DCC: variants seen among roughly 807,000 people sequenced by gnomAD.
The protein encoded by DCC is DCC netrin 1 receptor, also known as netrin receptor DCC.
DCC carries 58 observed loss-of-function variants against 172.5 expected under a neutral mutation model. The ratio of observed to expected loss-of-function variants is 0.34; its 90% CI spans 0.27 to 0.42. The LOEUF is 0.42. Among genes scored for constraint, DCC ranks in the 10% least tolerant of loss-of-function variants. The pLI is 1.00. For missense variants in DCC, 1,740 were observed against 1,791.0 expected, an observed-to-expected ratio of 0.97 and a Z score of 0.51; for synonymous variants, 709 against 644.5, an observed-to-expected ratio of 1.10 and a Z score of -1.52.
At chr18:52,538,767 GT>G (rs936930322) in intron 1 of DCC, among the ~76,000 whole-genome samples, 13 of 151,266 alleles carry the variant, frequency 8.6e-5, no homozygotes, top group East Asian at 7.8e-4. Flanking sequence ...TTACAAACAT[GT>G]TTTTTTTTCT....
intron 3 of DCC, among the ~76,000 whole-genome samples, chr18:52,907,630 G>T (rs1044657074): frequency 6.6e-6 from 1 of 152,034 alleles, no homozygotes; most frequent in East Asian, 1.9e-4. Flanking sequence ...TGCCCAGGCT[G>T]GTCTCAAACT....
chr18:53,515,274 A>C, intron 27 of DCC, among the ~76,000 whole-genome samples: 1 of 151,800 alleles, frequency 6.6e-6, no homozygotes, highest in South Asian at 2.1e-4. Context: ...ACTCTCAATA[A>C]ATTAGGTATT....
At chr18:52,498,331 T>C in intron 1 of DCC, among the ~76,000 whole-genome samples, 1 of 152,066 alleles carries the variant, frequency 6.6e-6, no homozygotes, top group Non-Finnish European at 1.5e-5. Flanking sequence ...GTGACTAAAA[T>C]GATGGATACT....
intron 2 of DCC, among the ~76,000 whole-genome samples, chr18:52,802,223 T>C (rs1210131887): frequency 6.6e-6 from 1 of 152,106 alleles, no homozygotes; most frequent in Non-Finnish European, 1.5e-5. Context: ...GATGAGGCAG[T>C]AGGTTGGAGA....
At chr18:53,098,809 C>G (rs1257637491) in intron 7 of DCC, among the ~76,000 whole-genome samples, 4 of 152,114 alleles carry the variant, frequency 2.6e-5, no homozygotes, top group African/African-American at 9.7e-5. Flanking sequence ...TAGTTTGAGA[C>G]CAGCCTCAGT....
At chr18:53,339,984 C>A in intron 15 of DCC, 77 bp downstream of exon 15, 1 of 1,354,864 alleles carries the variant, frequency 7.4e-7, no homozygotes, top group Non-Finnish European at 1.0e-6. Flanking sequence ...TCTTGGAAAA[C>A]TGTTCCCTGG....
At chr18:52,563,471 T>C (rs867730750) in intron 1 of DCC, among the ~76,000 whole-genome samples, 1 of 152,138 alleles carries the variant, frequency 6.6e-6, no homozygotes, top group Non-Finnish European at 1.5e-5. Context: ...AACTCTGCGG[T>C]GTCTTACATC....
rs543221527 is a variant in DCC at position 52,741,789 on chromosome 18, T to A, written c.92-10265T>A. On this transcript the variant is annotated intron_variant, in intron 1 of 28. Transcript: ENST00000442544. ...CTGGGGTGGGCTCGTCACACCTGCC[T>A]GGGTGCCTTAGCATCCTCTGCCTGC... 2.0e-5 allele frequency among the ~76,000 whole-genome samples: 3 copies of A among 152,262 alleles called. No individual in the cohort carries two copies. In the South Asian group the frequency reaches 6.2e-4, roughly 32 times the overall value.
intron 21 of DCC, among the ~76,000 whole-genome samples, chr18:53,422,685 A>G (rs1277671172): frequency 6.6e-6 from 1 of 152,230 alleles, no homozygotes; most frequent in African/African-American, 2.4e-5. Flanking sequence ...TCAGGGAAAT[A>G]GGGTTTTTGA....
chr18:53,034,187 G>A (rs541523202), intron 5 of DCC, among the ~76,000 whole-genome samples: 24 of 151,914 alleles, frequency 1.6e-4, no homozygotes, highest in South Asian at 6.2e-4. Flanking sequence ...ATTCTGCCCC[G>A]AGCTTTAGAG....
intron 16 of DCC, 77 bp downstream of exon 16, chr18:53,386,215 C>T (rs1292135887): frequency 1.7e-5 from 16 of 926,486 alleles, no homozygotes; most frequent in Non-Finnish European, 2.1e-5. Context: ...AAATAAAATA[C>T]AAAGAAACAA....
chr18:52,782,262 A>G lies in DCC; in HGVS notation c.412+29888A>G, dbSNP rs116651799. On this transcript the variant is annotated intron_variant, in intron 2 of 28. Coordinates refer to ENST00000442544, the MANE Select transcript of DCC (RefSeq NM_005215.4). ...GTGCATTTTAAAAGCTTAGAAAGTAATGATATGCCCTCTAGACTGCCAGGC... is the reference window on the plus strand; with the variant it reads ...GTGCATTTTAAAAGCTTAGAAAGTAGTGATATGCCCTCTAGACTGCCAGGC... Among the ~76,000 whole-genome samples the G allele has an allele frequency of 2.1e-4, 32 of 152,268 alleles. 1 individual carries two copies. The highest frequency in any genetic ancestry group is 7.7e-4 in the African/African-American group (32 of 41,570).
At chr18:52,350,574 C>CTGAT in intron 1 of DCC, among the ~76,000 whole-genome samples, 1 of 152,178 alleles carries the variant, frequency 6.6e-6, no homozygotes, top group East Asian at 1.9e-4. Flanking sequence ...ATAAGACAGG[C>CTGAT]TGATGGATGC....
chr18:52,673,834 G>A (rs2035599906), intron 1 of DCC, among the ~76,000 whole-genome samples: 1 of 152,162 alleles, frequency 6.6e-6, no homozygotes, highest in South Asian at 2.1e-4. Context: ...TTCTACCTTA[G>A]GGTTACTCAT....
At chr18:52,684,511 G>A (rs1004207742) in intron 1 of DCC, among the ~76,000 whole-genome samples, 4 of 151,804 alleles carry the variant, frequency 2.6e-5, no homozygotes, top group African/African-American at 7.3e-5. Flanking sequence ...TGTGGTGATC[G>A]TACACTCTCT....
chr18:52,413,892 C>A (rs1986925876), intron 1 of DCC, among the ~76,000 whole-genome samples: 1 of 152,044 alleles, frequency 6.6e-6, no homozygotes, highest in Non-Finnish European at 1.5e-5. Flanking sequence ...TATGCATATG[C>A]ATATATACTG....
intron 4 of DCC, 49 bp downstream of exon 4, chr18:52,923,906 A>G (rs767976403): frequency 7.5e-7 from 1 of 1,332,378 alleles, no homozygotes; most frequent in Non-Finnish European, 1.1e-6. Context: ...TGTATGGTAT[A>G]TGCTGCTATT....
chr18:52,601,118 C>A (rs1475631573), intron 1 of DCC, among the ~76,000 whole-genome samples: 1 of 152,026 alleles, frequency 6.6e-6, no homozygotes, highest in African/African-American at 2.4e-5. Flanking sequence ...ATCTAAGTTG[C>A]TGTTTTCTAA....
At chr18:53,134,652 A>G (rs2043712414) in intron 7 of DCC, among the ~76,000 whole-genome samples, 1 of 152,174 alleles carries the variant, frequency 6.6e-6, no homozygotes, top group Admixed American at 6.5e-5. Flanking sequence ...CTCTTAGCTC[A>G]GAATTTGACT....
Sources: gnomAD v4.1 joint callset for allele counts (sites outside exome capture counted in the v4.1 genomes callset) on GRCh38, gnomAD v4.1.1 for gene constraint, MANE v1.5 for transcripts, NCBI Gene and HGNC (gene_info 2026-07-23, HGNC 2026-07-21) for gene names.